The following CRB2 variants were observed in gnomAD, a reference collection of about 807,000 sequenced individuals.
CRB2 encodes the protein crumbs cell polarity complex component 2.
In CRB2, 85 loss-of-function variants were observed where a neutral mutation model predicts 110.9. The observed-to-expected ratio is 0.77, with a 90% CI of 0.64 to 0.92. The LOEUF (loss-of-function observed/expected upper bound fraction) is 0.92. Ranked by LOEUF, CRB2 falls within the 40% of genes least tolerant of loss-of-function variation. The pLI is 0.00. For synonymous variants in CRB2, 907 were observed against 831.0 expected (o/e 1.09, Z -1.57); for missense variants, 1,843 against 1,851.3 (o/e 1.00, Z 0.08).
downstream of CRB2, among the ~76,000 whole-genome samples, chr9:123,379,108 G>A (rs530568369): frequency 2.1e-5 from 2 of 97,368 alleles, no homozygotes; most frequent in South Asian, 4.1e-4. Context: ...CCCGGCCCGC[G>A]TGCCTGTCGT....
Position 123,372,356 on chromosome 9 carries a change from C to G in CRB2, c.2602+14C>G, listed in dbSNP as rs774707112. On this transcript the variant is annotated intron_variant, in intron 9 of 12. Coordinates refer to ENST00000373631, the MANE Select transcript of CRB2 (RefSeq NM_173689.7). ...ATGGCTTTGTGTGTGAGTGTGTGTC[C>G]TGGGCAGCTCCCGTGCTGGGTGCTG... is the stretch of plus-strand genomic sequence containing the variant. 1 of 1,575,168 alleles carries G rather than the reference C, an allele frequency of 6.3e-7. No homozygotes were observed. Among genetic ancestry groups the G allele is most frequent in the South Asian group, 1.2e-5 (1 of 83,222 alleles).
In CRB2 at chr9:123,367,357, G is replaced by A. The variant is rs1384021824; in HGVS notation, c.940G>A (p.Gly314Arg). 6.3e-7 allele frequency: 1 copy of A among 1,599,246 alleles called. No individual in the cohort carries two copies. Among genetic ancestry groups the A allele is most frequent in the Non-Finnish European group, 8.5e-7 (1 of 1,179,122 alleles). The change falls in exon 5 of 13, where the codon GGA becomes AGA. Residue 314 changes from glycine (G) to arginine (R), a missense_variant and splice_region_variant. Physicochemically the swap from Gly to Arg is moderately radical, Grantham distance 125 (BLOSUM62 -2). Coordinates refer to ENST00000373631, the MANE Select transcript of CRB2 (RefSeq NM_173689.7). ...GTGCCACTGCCCTCCTGGCTTTGAG[G>A]GTGAGCCCCTGCTGGGGAAGCGGTC... ...FLCHCPPGFE[G>R]ADCGVEVDEC...
intron 1 of CRB2, among the ~76,000 whole-genome samples, chr9:123,361,381 C>T (rs1346701924): frequency 3.9e-5 from 6 of 152,338 alleles, no homozygotes; most frequent in Non-Finnish European, 8.8e-5. Flanking sequence ...CAGGACTGCC[C>T]GATGCCCCAA....
chr9:123,371,250 G>C lies in CRB2; in HGVS notation c.2108G>C (p.Gly703Ala), dbSNP rs1258822811. 6.2e-7 allele frequency: 1 copy of C among 1,613,854 alleles called. No individual in the cohort carries two copies. Among genetic ancestry groups the C allele is most frequent in the African/African-American group, 1.3e-5 (1 of 74,938 alleles). ...AAGLTVFLSE[G>A]RIRAEVPGSP... Reference sequence around the variant, plus strand: ...GGCCTAACAGTATTCCTGAGTGAGGGTCGGATCCGGGCTGAGGTGCCGGGC... The same window carrying C: ...GGCCTAACAGTATTCCTGAGTGAGGCTCGGATCCGGGCTGAGGTGCCGGGC... Residue 703 changes from glycine to alanine, a missense_variant, in exon 8 of 13, where the codon GGT (glycine) becomes GCT (alanine). Gly to Ala is a moderately conservative substitution (Grantham distance 60). Coordinates refer to ENST00000373631, the MANE Select transcript of CRB2 (RefSeq NM_173689.7).
In CRB2 at chr9:123,373,646, G is replaced by A. The variant is rs993160302; in HGVS notation, c.3115G>A (p.Glu1039Lys). 2 of 1,406,658 alleles carry A rather than the reference G, an allele frequency of 1.4e-6. No individual in the cohort carries two copies. The highest frequency in any genetic ancestry group is 1.8e-6 in the Non-Finnish European group (2 of 1,087,800). The allele number at this position is 1,406,658 out of a possible 1,614,324, so 87.1% of individuals were successfully genotyped here. The change falls in exon 10 of 13, where the codon GAG becomes AAG. Residue 1039 changes from glutamate (E) to lysine (K), a missense_variant. Coordinates refer to ENST00000373631, the MANE Select transcript of CRB2 (RefSeq NM_173689.7). The stretch of plus-strand genomic sequence containing the variant: ...GCCCGGCGCGGCCCCTGGCGCCCGA[G>A]AGCACTTCGCGTCTTGGCCTGGGAC... The part of the protein sequence containing the change: ...PRPGAAPGAR[E>K]HFASWPGTPA...
intron 8 of CRB2, 54 bp from the exon 9 acceptor site, chr9:123,372,123 G>A (rs1940352015): frequency 6.4e-7 from 1 of 1,570,130 alleles, no homozygotes; most frequent in Non-Finnish European, 8.8e-7. Context: ...GCCAGTTATG[G>A]TGGGTGATGC....
upstream of CRB2, among the ~76,000 whole-genome samples, chr9:123,355,860 G>A (rs1181277619): frequency 6.6e-6 from 1 of 151,938 alleles, no homozygotes; most frequent in African/African-American, 2.4e-5. Context: ...TCCAGGAGAG[G>A]GGATAACTAA....
chr9:123,373,960 C>T (rs1056243435), intron 10 of CRB2, 40 bp downstream of exon 10: 4 of 1,549,856 alleles, frequency 2.6e-6, no homozygotes, highest in African/African-American at 1.4e-5. Context: ...CGAATGCCCC[C>T]TGGGGCTATG....
At chr9:123,368,809 G>A (rs1362249688) in intron 6 of CRB2, 2 of 1,211,942 alleles carry the variant, frequency 1.7e-6, no homozygotes, top group South Asian at 1.4e-5. Flanking sequence ...GGAGGCAGCT[G>A]GGCCAGGCAG....
rs112445979 is a variant in CRB2, at chr9:123,376,532, C to T, written c.3634-306C>T. On this transcript the variant is annotated intron_variant, in intron 12 of 12. Coordinates refer to ENST00000373631, the MANE Select transcript of CRB2 (RefSeq NM_173689.7). ...CTCCTGCTCTGCCTCATGAGACCCT[C>T]GTAGGCTTCTGTGAAACCCATGCAC... 9.9e-3 allele frequency among the ~76,000 whole-genome samples: 1,506 copies of T among 152,122 alleles called. 14 individuals carry two copies. Among genetic ancestry groups the T allele is most frequent in the South Asian group, 0.032 (155 of 4,814 alleles).
Position 123,367,663 on chromosome 9 carries a change from G to A in CRB2, c.1031G>A (p.Cys344Tyr). Reference sequence around the variant, plus strand: ...CAGGACCTGCCCAATGGCTTCCAGTGTCACTGCCCAGATGGCTACGCAGGT... The same window carrying A: ...CAGGACCTGCCCAATGGCTTCCAGTATCACTGCCCAGATGGCTACGCAGGT... The part of the protein sequence containing the change: ...HCQDLPNGFQ[C>Y]HCPDGYAGPT... Residue 344 changes from cysteine (C) to tyrosine (Y), a missense_variant, in exon 6 of 13, where the codon TGT becomes TAT. By Grantham distance (194) the Cys-to-Tyr change is radical. Coordinates refer to ENST00000373631, the MANE Select transcript of CRB2 (RefSeq NM_173689.7). 1 of 1,564,746 alleles carries A rather than the reference G, an allele frequency of 6.4e-7. No individual in the cohort carries two copies. Among genetic ancestry groups the A allele is most frequent in the Non-Finnish European group, 8.7e-7 (1 of 1,155,484 alleles).
At chr9:123,357,076 G>A (rs771706807) in intron 1 of CRB2, among the ~76,000 whole-genome samples, 6 of 152,066 alleles carry the variant, frequency 3.9e-5, no homozygotes, top group Non-Finnish European at 8.8e-5. Flanking sequence ...AGGGCTGCTG[G>A]GGATGCTCTG....
In CRB2 at chr9:123,356,343, C is replaced by A. The variant is rs745391116; in HGVS notation, c.83C>A (p.Ser28Tyr). The A allele has an allele frequency of 2.6e-6, 4 of 1,546,892 alleles. No individual in the cohort carries two copies. The African/African-American group carries it at 4.1e-5, about 16-fold the overall frequency. Residue 28 changes from serine to tyrosine, a missense_variant, in exon 1 of 13, where the codon TCC (serine) becomes TAC (tyrosine). By Grantham distance (144) the Ser-to-Tyr change is moderately radical. Coordinates refer to ENST00000373631, the MANE Select transcript of CRB2 (RefSeq NM_173689.7). ...CTGCTGCTCTGGGCCCCTGCCCTTT[C>A]CCTCCTGGCTGGTGAGTTGGGGCCC... ...LLLLLWAPAL[S>Y]LLAGTVPSEP...
In CRB2 at chr9:123,376,978, C is replaced by G. The variant is rs747453639; in HGVS notation, c.3774C>G (p.Tyr1258Ter). 6.2e-7 allele frequency: 1 copy of G among 1,608,428 alleles called. No individual in the cohort carries two copies. The highest frequency in any genetic ancestry group is 8.5e-7 in the Non-Finnish European group (1 of 1,178,394). ...ARKRRQSEGT[Y>*]SPSQQEVAGA... ...AGCGCCGCCAGTCTGAGGGCACCTA[C>G]AGCCCAAGCCAGCAGGAGGTGGCTG... The change falls in exon 13 of 13, where the codon TAC (tyrosine) becomes TAG (stop). Residue 1258 changes from tyrosine to a stop codon, truncating the protein, a stop_gained. Transcript: ENST00000373631. LOFTEE classifies it high-confidence loss of function.
intron 5 of CRB2, 64 bp downstream of exon 5, chr9:123,367,421 ACCCCCCCACCCCCCCCAC>A: frequency 3.3e-6 from 2 of 600,974 alleles, no homozygotes; most frequent in Non-Finnish European, 4.4e-6. Flanking sequence ...TCTTGTGCCC[ACCCCCCCACCCCCCCCAC>A]CCCCCCACCC....
chr9:123,366,037 G>A lies in CRB2; in HGVS notation c.539G>A (p.Arg180His), dbSNP rs761229358. Residue 180 changes from arginine to histidine, a missense_variant, in exon 3 of 13, where the codon CGT becomes CAT. Arg to His is a conservative substitution (Grantham distance 29, BLOSUM62 0). Coordinates refer to ENST00000373631, the MANE Select transcript of CRB2 (RefSeq NM_173689.7). ...TGCGCGCCAGGCTACGGGGGCACCC[G>A]TTGCCAGCTGGACCTCGACGAGTGC... ...CVCAPGYGGTRCQLDLDECQS... is the reference protein window; with the variant it reads ...CVCAPGYGGTHCQLDLDECQS... The A allele has an allele frequency of 1.1e-5, 18 of 1,586,122 alleles. No homozygotes were observed. The highest frequency in any genetic ancestry group is 1.4e-5 in the Non-Finnish European group (17 of 1,173,654).
Position 123,359,441 on chromosome 9 carries a change from G to GTTTTTTT in CRB2, c.94+3106_94+3112dup, listed in dbSNP as rs375773781. On this transcript the variant is annotated intron_variant, in intron 1 of 12. Transcript: ENST00000373631. ...GTTTGTGGTTTTTCGTTTTTGTTTT[G>GTTTTTTT]TTTTTTTTTTTTTTTTTTTTTTTTT... Among the ~76,000 whole-genome samples the GTTTTTTT allele has an allele frequency of 1.1e-3, 107 of 94,378 alleles. 2 individuals carry two copies. The highest frequency in any genetic ancestry group is 3.8e-3 in the African/African-American group (65 of 17,140). The allele number at this position is 94,378 out of a possible 152,430, so 61.9% of individuals were successfully genotyped here.
Position 123,371,314 on chromosome 9 carries a change from G to T in CRB2, c.2172G>T (p.Gly724=). The T allele has an allele frequency of 6.2e-7, 1 of 1,611,218 alleles. No individual in the cohort carries two copies. The highest frequency in any genetic ancestry group is 8.5e-7 in the Non-Finnish European group (1 of 1,178,274). The change falls in exon 8 of 13, where the codon GGG becomes GGT. Residue 724 remains glycine (G), a synonymous_variant. Transcript: ENST00000373631. The part of the protein sequence containing the change: ...AVVLPGRWDD[G]LRHLVMLSFG... Reference sequence around the variant, plus strand: ...TGCTCCCTGGGCGCTGGGATGATGGGCTCCGTCACCTGGTGATGCTCAGCT... The same window carrying T: ...TGCTCCCTGGGCGCTGGGATGATGGTCTCCGTCACCTGGTGATGCTCAGCT...
chr9:123,366,329 C>T lies in CRB2; in HGVS notation c.717C>T (p.Leu239=), dbSNP rs767518089. Residue 239 remains leucine (L), a synonymous_variant, in exon 4 of 13, where the codon CTC becomes CTT. Coordinates refer to ENST00000373631, the MANE Select transcript of CRB2 (RefSeq NM_173689.7). ...SAPCEHNASC[L]EGLGSFRCLC... Reference sequence around the variant, plus strand: ...CCTGCGAGCACAACGCGTCCTGCCTCGAGGGCCTCGGGAGCTTCCGCTGCC... The same window carrying T: ...CCTGCGAGCACAACGCGTCCTGCCTTGAGGGCCTCGGGAGCTTCCGCTGCC... 1.4e-5 allele frequency: 22 copies of T among 1,542,540 alleles called. No individual in the cohort carries two copies. The highest frequency in any genetic ancestry group is 7.2e-5 in the South Asian group (6 of 83,408).
Sources: gnomAD v4.1 joint callset for allele counts (sites outside exome capture counted in the v4.1 genomes callset) on GRCh38, gnomAD v4.1.1 for gene constraint, MANE v1.5 for transcripts, NCBI Gene and HGNC (gene_info 2026-07-23, HGNC 2026-07-21) for gene names.